The following EPHA5 variants were observed in gnomAD, a reference collection of about 807,000 sequenced individuals.
EPHA5 encodes the protein EPH receptor A5, also known as ephrin type-A receptor 5.
In EPHA5, 60 loss-of-function variants were observed where a neutral mutation model predicts 105.0. The ratio of observed to expected loss-of-function variants is 0.57; its 90% confidence interval spans 0.46 to 0.71. The LOEUF is 0.71. Among genes scored for constraint, EPHA5 ranks in the 30% least tolerant of loss-of-function variants. The pLI is 0.00. For synonymous variants in EPHA5, 513 were observed against 449.1 expected (o/e 1.14, Z -1.80); for missense variants, 1,218 against 1,274.7 (o/e 0.96, Z 0.68).
chr4:65,615,234 T>C (rs890622608), intron 2 of EPHA5, among the ~76,000 whole-genome samples: 1 of 151,552 alleles, frequency 6.6e-6, no homozygotes, highest in African/African-American at 2.4e-5. Flanking sequence ...AAATGGCAGG[T>C]ACAATAGTTG....
At chr4:65,375,333 T>C (rs1246789238) in intron 8 of EPHA5, among the ~76,000 whole-genome samples, 1 of 151,714 alleles carries the variant, frequency 6.6e-6, no homozygotes, top group African/African-American at 2.4e-5. Context: ...CACATGCACA[T>C]ATACAAACAA....
intron 2 of EPHA5, among the ~76,000 whole-genome samples, chr4:65,626,228 A>G (rs1746149712): frequency 6.6e-6 from 1 of 152,194 alleles, no homozygotes; most frequent in Non-Finnish European, 1.5e-5. Context: ...TTGATATTTA[A>G]ATTTATCACA....
At chr4:65,358,380 TA>T (rs905687693) in intron 11 of EPHA5, among the ~76,000 whole-genome samples, 10 of 151,566 alleles carry the variant, frequency 6.6e-5, no homozygotes, top group Non-Finnish European at 1.5e-4. Flanking sequence ...TGTAAATGAT[TA>T]AAAGTAAGCC....
At chr4:65,442,131 C>T (rs140308341) in intron 5 of EPHA5, among the ~76,000 whole-genome samples, 8,265 of 152,090 alleles carry the variant, frequency 0.054, 324 homozygotes, top group Middle Eastern at 0.12. Flanking sequence ...GCCACCCCCC[C>T]GCCACAACAC....
intron 5 of EPHA5, among the ~76,000 whole-genome samples, chr4:65,426,024 T>C (rs1273550677): frequency 2.0e-5 from 3 of 152,174 alleles, no homozygotes; most frequent in Admixed American, 6.6e-5. Flanking sequence ...CCATGATTTT[T>C]CTCTTAATTG....
intron 3 of EPHA5, among the ~76,000 whole-genome samples, chr4:65,517,647 C>G (rs1296946761): frequency 6.6e-6 from 1 of 151,772 alleles, no homozygotes; most frequent in Non-Finnish European, 1.5e-5. Context: ...TCATATTCAG[C>G]TTTAATCTTG....
At chr4:65,531,099 G>A (rs1035520385) in intron 3 of EPHA5, among the ~76,000 whole-genome samples, 2 of 150,488 alleles carry the variant, frequency 1.3e-5, no homozygotes, top group African/African-American at 2.4e-5. Context: ...CTGCAGTGGC[G>A]CAATCTCGGC....
intron 2 of EPHA5, among the ~76,000 whole-genome samples, chr4:65,613,233 C>A (rs1299334646): frequency 6.6e-6 from 1 of 151,940 alleles, no homozygotes; most frequent in Non-Finnish European, 1.5e-5. Flanking sequence ...ACTGATCTAT[C>A]TGTCTATTTT....
intron 1 of EPHA5, among the ~76,000 whole-genome samples, chr4:65,655,206 C>G (rs975466011): frequency 1.3e-5 from 2 of 151,858 alleles, no homozygotes; most frequent in Non-Finnish European, 2.9e-5. Context: ...AAGCATGAGT[C>G]ATATGTTAAG....
chr4:65,471,517 A>T (rs1435625532), intron 5 of EPHA5, among the ~76,000 whole-genome samples: 2 of 152,172 alleles, frequency 1.3e-5, no homozygotes, highest in East Asian at 1.9e-4. Flanking sequence ...TTACACTTCT[A>T]TAAAGATACT....
rs1472765231 is a variant in EPHA5 at position 65,468,540 on chromosome 4, T to C, written c.1402+21837A>G. 1.0e-4 allele frequency among the ~76,000 whole-genome samples: 12 copies of C among 117,384 alleles called. No homozygotes were observed. The East Asian group carries it at 2.5e-3, about 25-fold the overall frequency. The allele number at this position is 117,384 out of a possible 152,430, so 77.0% of individuals were successfully genotyped here. ...ATATATACAGACACACACCTTTATA[T>C]ATATATATAATATATATATTATATA... is the stretch of plus-strand genomic sequence containing the variant. On this transcript the variant is annotated intron_variant, in intron 5 of 16. Coordinates refer to ENST00000613740, the MANE Select transcript of EPHA5 (RefSeq NM_001281766.3).
chr4:65,486,345 A>G (rs1011030521), intron 5 of EPHA5, among the ~76,000 whole-genome samples: 2 of 150,930 alleles, frequency 1.3e-5, no homozygotes, highest in Non-Finnish European at 1.5e-5. Flanking sequence ...AGTCTTATAT[A>G]TGTGGGATAC....
Position 65,601,887 on chromosome 4 carries a change from C to T in EPHA5, c.664G>A (p.Ala222Thr), listed in dbSNP as rs2149438805. Residue 222 changes from alanine to threonine, a missense_variant, in exon 3 of 17, where the codon GCT becomes ACT. By Grantham distance (58) the Ala-to-Thr change is moderately conservative (BLOSUM62 0). This residue lies in a region of EPHA5 where 971 missense variants were observed against 1,013.5 expected (regional missense o/e 0.96). Transcript: ENST00000613740. ...LAFQDVGACI[A>T]LVSVRVYYKK... is the part of the protein sequence containing the mutation. Reference sequence around the variant, plus strand: ...TAGTATACACGCACAGAAACCAGAGCAATGCAAGCACCAACATCTTGAAAA... The same window carrying T: ...TAGTATACACGCACAGAAACCAGAGTAATGCAAGCACCAACATCTTGAAAA... 6.2e-7 allele frequency: 1 copy of T among 1,614,138 alleles called. No individual in the cohort carries two copies. Among genetic ancestry groups the T allele is most frequent in the Non-Finnish European group, 8.5e-7 (1 of 1,180,014 alleles).
intron 2 of EPHA5, among the ~76,000 whole-genome samples, chr4:65,627,833 CTA>C (rs1487202447): frequency 6.6e-6 from 1 of 152,080 alleles, no homozygotes; most frequent in Non-Finnish European, 1.5e-5. Flanking sequence ...TGAAATAATT[CTA>C]GTGTTAATAT....
chr4:65,397,108 G>A (rs970787839), intron 8 of EPHA5, among the ~76,000 whole-genome samples: 6 of 152,178 alleles, frequency 3.9e-5, no homozygotes, highest in Non-Finnish European at 7.3e-5. Flanking sequence ...TTTGCAATGG[G>A]GACCACTGAA....
chr4:65,519,380 A>G (rs1404023732), intron 3 of EPHA5, among the ~76,000 whole-genome samples: 1 of 152,002 alleles, frequency 6.6e-6, no homozygotes, highest in Non-Finnish European at 1.5e-5. Context: ...ATGTATCTCA[A>G]AATAATAAGA....
Position 65,321,855 on chromosome 4 carries a change from G to A in EPHA5, c.*2259C>T. On this transcript the variant is annotated 3_prime_UTR_variant, in exon 17 of 17. Transcript: ENST00000613740. ...TTGTGGCAAGTTCATCAGCCCTAAA[G>A]CATATGGTAATTTTCCTTTTGAATC... 4.4e-6 allele frequency: 1 copy of A among 226,170 alleles called. No homozygotes were observed. The highest frequency in any genetic ancestry group is 6.3e-5 in the East Asian group (1 of 15,802). 14.0% of individuals were successfully genotyped at this position (226,170 alleles called of 1,614,324 possible). A position where few individuals can be genotyped will look rare whatever the true frequency, so the allele number is the denominator to read the frequency against.
chr4:65,511,205 A>G (rs1174626647), intron 3 of EPHA5, among the ~76,000 whole-genome samples: 4 of 152,206 alleles, frequency 2.6e-5, no homozygotes, highest in African/African-American at 9.6e-5. Context: ...GACTAATGTT[A>G]CATTACTCAA....
Position 65,602,090 on chromosome 4 carries a change from T to C in EPHA5, c.461A>G (p.Tyr154Cys), listed in dbSNP as rs1426850071. The change falls in exon 3 of 17, where the codon TAT (tyrosine) becomes TGT (cysteine). Residue 154 changes from tyrosine to cysteine, a missense_variant. This residue lies in a region of EPHA5 where 233 missense variants were observed against 227.5 expected (regional missense o/e 1.02). Transcript: ENST00000613740. ...LGTCKETFNM[Y>C]YFESDDQNGR... is the part of the protein sequence containing the mutation. ...ATTCTGATCATCTGACTCAAAGTAA[T>C]ACATATTAAAGGTTTCCTTACAGGT... The C allele has an allele frequency of 6.2e-7, 1 of 1,614,130 alleles. No individual in the cohort carries two copies. Among genetic ancestry groups the C allele is most frequent in the East Asian group, 2.2e-5 (1 of 44,866 alleles).
Sources: allele counts gnomAD v4.1 joint callset (sites outside exome capture counted in the v4.1 genomes callset), GRCh38; gene constraint gnomAD v4.1.1; regional missense constraint gnomAD v4.1.1; transcripts MANE v1.5; gene names NCBI Gene and HGNC (gene_info 2026-07-23, HGNC 2026-07-21).